Variants in ZNF638 observed in about 807,000 individuals in gnomAD.
ZNF638 encodes the protein CTCL tumor antigen se33-1.
Under a neutral mutation model 195.6 loss-of-function variants are expected in ZNF638, and 46 were observed. The ratio of observed to expected loss-of-function variants is 0.24; its 90% confidence interval spans 0.19 to 0.30. The LOEUF (loss-of-function observed/expected upper bound fraction) is 0.30, where lower values mean the gene tolerates loss of function less well. ZNF638 is among the 10% of genes least tolerant of loss of function. ZNF638 has a pLI of 1.00. For synonymous variants in ZNF638, 845 were observed against 772.0 expected, an observed-to-expected ratio of 1.09 and a Z score of -1.57; for missense variants, 2,440 against 2,325.3, an observed-to-expected ratio of 1.05 and a Z score of -1.01.
intron 16 of ZNF638, 89 bp downstream of exon 16, chr2:71,402,176 T>A: frequency 7.4e-7 from 1 of 1,357,760 alleles, no homozygotes; most frequent in Non-Finnish European, 9.9e-7. Context: ...AGAAAAGGTT[T>A]AAAAGCAGTA....
At chr2:71,409,454 G>T (rs906106562) in intron 20 of ZNF638, among the ~76,000 whole-genome samples, 3 of 152,106 alleles carry the variant, frequency 2.0e-5, no homozygotes, top group Non-Finnish European at 2.9e-5. Context: ...ACTAGTAGCT[G>T]CATTTTTGGT....
At chr2:71,419,737 G>A (rs1005649351) in intron 21 of ZNF638, among the ~76,000 whole-genome samples, 4 of 151,932 alleles carry the variant, frequency 2.6e-5, no homozygotes, top group Non-Finnish European at 5.9e-5. Flanking sequence ...CCTAAAGATT[G>A]GCCACGTTAA....
In ZNF638 at chr2:71,361,434, C is replaced by A. The variant is rs1040547551; in HGVS notation, c.1380-1719C>A. ...TTTAAGTTTCTTAGCCATTAAATGA[C>A]AGCACCTATAGTGAAACCCAGTTTT... On this transcript the variant is annotated intron_variant, in intron 3 of 27. Coordinates refer to ENST00000264447, the MANE Select transcript of ZNF638 (RefSeq NM_014497.5). Among the ~76,000 whole-genome samples the A allele has an allele frequency of 3.9e-5, 6 of 152,144 alleles. No individual in the cohort carries two copies. In the East Asian group the frequency reaches 9.6e-4, roughly 24 times the overall value.
rs372655827 is a variant in ZNF638, at chr2:71,410,519, A to G, written c.3261+2272A>G. Among the ~76,000 whole-genome samples, 6 of 152,164 alleles carry G rather than the reference A, an allele frequency of 3.9e-5. No homozygotes were observed. In the South Asian group the frequency reaches 8.3e-4, roughly 21 times the overall value. On this transcript the variant is annotated intron_variant, in intron 20 of 27. Coordinates refer to ENST00000264447, the MANE Select transcript of ZNF638 (RefSeq NM_014497.5). ...AACCACTGTGCTTGGCCCTAAACTA[A>G]TATTTATCTAATTCCTTTTCTCTAT...
At chr2:71,347,132 C>T (rs1363416525) in intron 1 of ZNF638, among the ~76,000 whole-genome samples, 5 of 151,976 alleles carry the variant, frequency 3.3e-5, no homozygotes, top group East Asian at 3.9e-4. Context: ...GTCAGGTGAG[C>T]GTCCAGGGCA....
chr2:71,409,152 G>A (rs971182862), intron 20 of ZNF638, among the ~76,000 whole-genome samples: 1 of 152,084 alleles, frequency 6.6e-6, no homozygotes, highest in South Asian at 2.1e-4. Context: ...TTAAAGAAGT[G>A]AAAATTTACA....
chr2:71,386,035 T>C (rs921772555), intron 10 of ZNF638, among the ~76,000 whole-genome samples: 1 of 152,162 alleles, frequency 6.6e-6, no homozygotes, highest in African/African-American at 2.4e-5. Flanking sequence ...AAAGAACATA[T>C]GATCCTTTCC....
At chr2:71,343,393 C>A (rs2078797205) in intron 1 of ZNF638, among the ~76,000 whole-genome samples, 1 of 152,136 alleles carries the variant, frequency 6.6e-6, no homozygotes, top group African/African-American at 2.4e-5. Context: ...TATCTCCTCA[C>A]CCCACCCCAC....
chr2:71,352,918 T>G (rs1311197199), intron 2 of ZNF638, among the ~76,000 whole-genome samples: 1 of 152,128 alleles, frequency 6.6e-6, no homozygotes, highest in Non-Finnish European at 1.5e-5. Flanking sequence ...CTAGATAGAT[T>G]GCCATTAAAA....
At chr2:71,395,297 G>A in intron 10 of ZNF638, 2 of 717,274 alleles carry the variant, frequency 2.8e-6, no homozygotes, top group Non-Finnish European at 2.6e-6. Context: ...CAAACCTGCT[G>A]CTGTGCACAT....
chr2:71,412,064 A>G (rs1249406695), intron 20 of ZNF638, among the ~76,000 whole-genome samples: 4 of 114,080 alleles, frequency 3.5e-5, no homozygotes, highest in African/African-American at 1.4e-4. Flanking sequence ...GACTTCCACA[A>G]TGGTTGAACT....
chr2:71,404,842 C>T (rs2080074231), intron 17 of ZNF638, among the ~76,000 whole-genome samples: 1 of 152,196 alleles, frequency 6.6e-6, no homozygotes, highest in South Asian at 2.1e-4. Context: ...TGTACACACC[C>T]TTCAGTGCCT....
chr2:71,333,313 C>T (rs1010102918), intron 1 of ZNF638, among the ~76,000 whole-genome samples: 17 of 152,096 alleles, frequency 1.1e-4, no homozygotes, highest in Admixed American at 1.1e-3. Context: ...CCATTCCTTC[C>T]TTGGGGATTT....
At chr2:71,391,618 AGGTACATACT>A (rs1477331392) in intron 10 of ZNF638, among the ~76,000 whole-genome samples, 1 of 152,244 alleles carries the variant, frequency 6.6e-6, no homozygotes, top group East Asian at 1.9e-4. Flanking sequence ...GAAATATCTT[AGGTACATACT>A]AACTTCCTGG....
chr2:71,411,208 C>A (rs1476030355), intron 20 of ZNF638, among the ~76,000 whole-genome samples: 1 of 151,014 alleles, frequency 6.6e-6, no homozygotes, highest in Non-Finnish European at 1.5e-5. Flanking sequence ...CCATGCTGGT[C>A]AGGCTGGTCT....
intron 3 of ZNF638, among the ~76,000 whole-genome samples, chr2:71,360,531 T>C (rs2079091546): frequency 6.6e-6 from 1 of 152,178 alleles, no homozygotes; most frequent in African/African-American, 2.4e-5. Context: ...TACAGTCTCT[T>C]TTAATCTAGA....
chr2:71,417,414 G>C (rs1366250752), intron 20 of ZNF638, among the ~76,000 whole-genome samples: 1 of 151,880 alleles, frequency 6.6e-6, no homozygotes, highest in Non-Finnish European at 1.5e-5. Flanking sequence ...ACCTCAGATG[G>C]AAATGCAGAA....
chr2:71,431,590 A>G (rs370933077), intron 26 of ZNF638, among the ~76,000 whole-genome samples, 162 bp downstream of exon 26: 1 of 152,128 alleles, frequency 6.6e-6, no homozygotes, highest in African/African-American at 2.4e-5. Flanking sequence ...AAACCCCGTC[A>G]GTACTAAAAG....
chr2:71,433,832 C>T (rs1336326355), intron 27 of ZNF638, among the ~76,000 whole-genome samples: 1 of 152,156 alleles, frequency 6.6e-6, no homozygotes, highest in East Asian at 1.9e-4. Context: ...CTGAGCTGTT[C>T]TATGCTGGAA....
Sources: gnomAD v4.1 joint callset for allele counts (sites outside exome capture counted in the v4.1 genomes callset) on GRCh38, gnomAD v4.1.1 for gene constraint, MANE v1.5 for transcripts, NCBI Gene and HGNC (gene_info 2026-07-23, HGNC 2026-07-21) for gene names.